The following SNX19 variants were observed in gnomAD, a reference collection of about 807,000 sequenced individuals.
The protein encoded by SNX19 is sorting nexin 19.
In SNX19, 60 loss-of-function variants were observed where a neutral mutation model predicts 85.2. The observed-to-expected ratio is 0.70, with a 90% CI of 0.57 to 0.87. The LOEUF is 0.87. SNX19 is among the 40% of genes least tolerant of loss of function. The pLI, the probability that SNX19 is intolerant of heterozygous loss-of-function variation, is 0.00. For synonymous variants in SNX19, 520 were observed against 470.0 expected, an observed-to-expected ratio of 1.11 and a Z score of -1.38; for missense variants, 1,201 against 1,217.8, an observed-to-expected ratio of 0.99 and a Z score of 0.21.
intron 7 of SNX19, among the ~76,000 whole-genome samples, chr11:130,905,467 A>G (rs1272626157): frequency 6.6e-6 from 1 of 152,198 alleles, no homozygotes; most frequent in Non-Finnish European, 1.5e-5. Context: ...TTAGAGCTGA[A>G]GCCAACACTA....
Position 130,867,782 on chromosome 11 carries a change from T to C in SNX19, c.*10640A>G, listed in dbSNP as rs944951309. 2 of 152,190 alleles carry C rather than the reference T, an allele frequency of 1.3e-5. No homozygotes were observed. The highest frequency in any genetic ancestry group is 4.8e-5 in the African/African-American group (2 of 41,444). The allele number at this position is 152,190 out of a possible 1,614,324, so 9.4% of individuals were successfully genotyped here. ...TGCTCCCTATCTGATATTACCAAGCTGGACAGCATCTTTTCTATGATCCAG... is the reference window on the plus strand; with the variant it reads ...TGCTCCCTATCTGATATTACCAAGCCGGACAGCATCTTTTCTATGATCCAG... On this transcript the variant is annotated 3_prime_UTR_variant, in exon 11 of 11. Coordinates refer to ENST00000265909, the MANE Select transcript of SNX19 (RefSeq NM_014758.3).
rs564993400 is a variant in SNX19 at position 130,873,346 on chromosome 11, T to G, written c.*5076A>C. ...ACCATACTGCTGCAAAACCTAGTAT[T>G]TAGTCTCCAGACCTTTACAGAGAAA... is the stretch of plus-strand genomic sequence containing the variant. On this transcript the variant is annotated 3_prime_UTR_variant, in exon 11 of 11. Transcript: ENST00000265909. Among the ~76,000 whole-genome samples the G allele has an allele frequency of 1.8e-4, 27 of 152,320 alleles. No homozygotes were observed. The highest frequency in any genetic ancestry group is 6.5e-4 in the African/African-American group (27 of 41,584).
intron 1 of SNX19, among the ~76,000 whole-genome samples, chr11:130,912,930 A>C (rs770613793): frequency 1.5e-4 from 23 of 152,226 alleles, no homozygotes; most frequent in Non-Finnish European, 3.2e-4. Context: ...ATTTAAAATC[A>C]GTTATATGTC....
intron 8 of SNX19, among the ~76,000 whole-genome samples, chr11:130,887,702 T>C (rs1944188188): frequency 6.6e-6 from 1 of 152,190 alleles, no homozygotes; most frequent in Non-Finnish European, 1.5e-5. Flanking sequence ...TTAGGTTAAA[T>C]CTCTTCCAAA....
chr11:130,882,545 A>C (rs566790751), intron 8 of SNX19, among the ~76,000 whole-genome samples: 18 of 152,324 alleles, frequency 1.2e-4, no homozygotes, highest in Non-Finnish European at 1.6e-4. Flanking sequence ...CCATCGATGG[A>C]GATCAAGAGT....
intron 8 of SNX19, among the ~76,000 whole-genome samples, chr11:130,890,776 T>A (rs1212909016): frequency 6.6e-6 from 1 of 152,196 alleles, no homozygotes; most frequent in African/African-American, 2.4e-5. Flanking sequence ...GATAAATCCC[T>A]TCTCTGAATC....
At chr11:130,908,615 A>G (rs11600182) in intron 4 of SNX19, among the ~76,000 whole-genome samples, 24,191 of 152,162 alleles carry the variant, frequency 0.16, 2,195 homozygotes, top group Middle Eastern at 0.25. Context: ...CAATTCAAAC[A>G]ATTTCTCTTC....
chr11:130,906,057 G>A lies in SNX19; in HGVS notation c.2339C>T (p.Thr780Ile), dbSNP rs749855398. Residue 780 changes from threonine (T) to isoleucine (I), a missense_variant, in exon 7 of 11, where the codon ACA becomes ATA. Transcript: ENST00000265909. ...TTCAGGATCTTTTTCTGGGGCTTTT[G>A]TTGGCTGCATTTCCAGTAACTTTGT... ...KQTKLLEMQP[T>I]KAPEKDPEQP... is the part of the protein sequence containing the mutation. The A allele has an allele frequency of 6.2e-7, 1 of 1,614,174 alleles. No homozygotes were observed. Among genetic ancestry groups the A allele is most frequent in the Non-Finnish European group, 8.5e-7 (1 of 1,180,042 alleles).
Position 130,914,721 on chromosome 11 carries a change from T to C in SNX19, c.1219A>G (p.Ser407Gly), listed in dbSNP as rs3190345. The C allele has an allele frequency of 0.19, 306,970 of 1,613,692 alleles. 30,659 individuals carry two copies. The highest frequency in any genetic ancestry group is 0.21 in the Middle Eastern group (1,253 of 6,058). ...TCTTTGGGTTCCAGAGCCTGGGAAC[T>C]CTCTAGGGCACACAGGGCATCCTGA... is the stretch of plus-strand genomic sequence containing the variant. Reference protein sequence around the residue: ...RIQDALCALESSQALEPKDGE... With the variant: ...RIQDALCALEGSQALEPKDGE... The change falls in exon 1 of 11, where the codon AGT becomes GGT. Residue 407 changes from serine to glycine, a missense_variant. Transcript: ENST00000265909.
At chr11:130,909,590 A>G (rs1945931859) in intron 4 of SNX19, among the ~76,000 whole-genome samples, 1 of 152,184 alleles carries the variant, frequency 6.6e-6, no homozygotes, top group Non-Finnish European at 1.5e-5. Context: ...CTAGCGGAGA[A>G]CCATGACACC....
At chr11:130,896,343 T>C (rs1944876077) in intron 8 of SNX19, among the ~76,000 whole-genome samples, 1 of 152,180 alleles carries the variant, frequency 6.6e-6, no homozygotes, top group South Asian at 2.1e-4. Flanking sequence ...GAATAGCATA[T>C]AAATAGAGAT....
At chr11:130,906,539 C>A in intron 6 of SNX19, 86 bp downstream of exon 6, 1 of 942,722 alleles carries the variant, frequency 1.1e-6, no homozygotes, top group Admixed American at 1.7e-5. Flanking sequence ...ACATTTCTGA[C>A]TTCAGAGAAT....
chr11:130,900,134 C>T (rs182809622), intron 8 of SNX19, among the ~76,000 whole-genome samples: 2 of 152,228 alleles, frequency 1.3e-5, no homozygotes, highest in East Asian at 3.9e-4. Flanking sequence ...TAGTGAGACC[C>T]CATCTCAACC....
chr11:130,897,582 A>G (rs1269499951), intron 8 of SNX19, among the ~76,000 whole-genome samples: 1 of 152,142 alleles, frequency 6.6e-6, no homozygotes, highest in Non-Finnish European at 1.5e-5. Context: ...CTGGGTGTCC[A>G]GGCAGGGCGC....
At chr11:130,889,796 G>A (rs1166215358) in intron 8 of SNX19, among the ~76,000 whole-genome samples, 2 of 152,128 alleles carry the variant, frequency 1.3e-5, no homozygotes, top group Admixed American at 1.3e-4. Context: ...TCTGTGGTCA[G>A]AAGTTCACCA....
At position 130,914,465 on chromosome 11, in the gene SNX19, C is replaced by T; in HGVS notation, c.1475G>A (p.Ser492Asn). The change falls in exon 1 of 11, where the codon AGC becomes AAC. Residue 492 changes from serine (S) to asparagine (N), a missense_variant. By Grantham distance (46) the Ser-to-Asn change is conservative. Transcript: ENST00000265909. ...CLEKDLTNDV[S>N]SLDPTLPPVL... is the part of the protein sequence containing the mutation. ...TGGTGGCAGAGTAGGATCAAGGGAG[C>T]TCACATCATTGGTGAGATCCTTCTC... 1 of 1,613,754 alleles carries T rather than the reference C, an allele frequency of 6.2e-7. No homozygotes were observed. The highest frequency in any genetic ancestry group is 8.5e-7 in the Non-Finnish European group (1 of 1,179,774).
At position 130,914,866 on chromosome 11, in the gene SNX19, C is replaced by T. The variant is rs375228925; in HGVS notation, c.1074G>A (p.Gln358=). 1.9e-6 allele frequency: 3 copies of T among 1,614,210 alleles called. No homozygotes were observed. The African/African-American group carries it at 4.0e-5, about 22-fold the overall frequency. The part of the protein sequence containing the change: ...KVGNNSSHFL[Q]PNVRGPLFLC... ...AGAACAGGGGACCTCGAACATTTGG[C>T]TGTAGGAAATGAGATGAGTTGTTTC... is the stretch of plus-strand genomic sequence containing the variant. Residue 358 remains glutamine (Q), a synonymous_variant, in exon 1 of 11, where the codon CAG becomes CAA. Transcript: ENST00000265909.
At chr11:130,905,855 G>C in intron 7 of SNX19, 98 bp downstream of exon 7, 1 of 1,594,032 alleles carries the variant, frequency 6.3e-7, no homozygotes, top group African/African-American at 1.3e-5. Flanking sequence ...TCAGCTGAAT[G>C]GAACAGAAAT....
rs1229266189 is a variant in SNX19, at chr11:130,869,330, G to A, written c.*9092C>T. 1 of 152,248 alleles carries A rather than the reference G, an allele frequency of 6.6e-6. No individual in the cohort carries two copies. Among genetic ancestry groups the A allele is most frequent in the African/African-American group, 2.4e-5 (1 of 41,460 alleles). The allele number at this position is 152,248 out of a possible 1,614,324, so 9.4% of individuals were successfully genotyped here. Reference sequence around the variant, plus strand: ...TTACATTGCCTATCAGTGCAGTTAAGTAAAAAGGCACATGGAACTATATGA... The same window carrying A: ...TTACATTGCCTATCAGTGCAGTTAAATAAAAAGGCACATGGAACTATATGA... On this transcript the variant is annotated 3_prime_UTR_variant, in exon 11 of 11. Coordinates refer to ENST00000265909, the MANE Select transcript of SNX19 (RefSeq NM_014758.3).
Sources: allele counts gnomAD v4.1 joint callset (sites outside exome capture counted in the v4.1 genomes callset), GRCh38; gene constraint gnomAD v4.1.1; transcripts MANE v1.5; gene names NCBI Gene and HGNC (gene_info 2026-07-23, HGNC 2026-07-21).